ZHX3: variants seen among roughly 807,000 people sequenced by gnomAD.
The protein encoded by ZHX3 is zinc fingers and homeoboxes protein 3.
A neutral mutation model predicts 64.5 loss-of-function variants in ZHX3; 20 were observed. The observed-to-expected ratio is 0.31, with a 90% CI of 0.22 to 0.45. ZHX3 has a LOEUF of 0.45. ZHX3 is among the 20% of genes least tolerant of loss of function. ZHX3 has a pLI of 1.00. For missense variants in ZHX3, 1,041 were observed against 1,195.8 expected (o/e 0.87, Z 1.91); for synonymous variants, 423 against 461.6 (o/e 0.92, Z 1.07).
At chr20:41,246,648 G>A (rs902634953) in intron 2 of ZHX3, among the ~76,000 whole-genome samples, 1 of 152,014 alleles carries the variant, frequency 6.6e-6, no homozygotes, top group Non-Finnish European at 1.5e-5. Flanking sequence ...TGAGGCAGGT[G>A]GAACACTTGA....
intron 1 of ZHX3, among the ~76,000 whole-genome samples, chr20:41,308,247 G>A (rs1224196821): frequency 6.6e-6 from 1 of 152,090 alleles, no homozygotes; most frequent in African/African-American, 2.4e-5. Context: ...TGAAAGTTCT[G>A]GTTGAAATGG....
Position 41,232,956 on chromosome 20 carries a change from T to C in ZHX3, c.-150-27890A>G, listed in dbSNP as rs998085410. On this transcript the variant is annotated intron_variant, in intron 2 of 3. Transcript: ENST00000683867. The surrounding 1 kb of genome is among the most constrained non-coding windows in gnomAD (Gnocchi z 5.0). ...AACCATGACAGAGTCAGGAGAAACT[T>C]ACACAAGGCTGGTCTTAGGGTTCGT... Among the ~76,000 whole-genome samples the C allele has an allele frequency of 6.6e-6, 1 of 152,228 alleles. No individual in the cohort carries two copies. Among genetic ancestry groups the C allele is most frequent in the African/African-American group, 2.4e-5 (1 of 41,464 alleles).
intron 2 of ZHX3, among the ~76,000 whole-genome samples, chr20:41,255,869 C>T (rs1186387897): frequency 2.0e-5 from 3 of 152,190 alleles, no homozygotes; most frequent in African/African-American, 7.2e-5. Flanking sequence ...TCAGAGATTA[C>T]TATGCCTTGG....
In ZHX3 at chr20:41,205,008, A is replaced by G. The variant is rs1295279260; in HGVS notation, c.-92T>C. 1.1e-5 allele frequency: 16 copies of G among 1,399,792 alleles called. No individual in the cohort carries two copies. The highest frequency in any genetic ancestry group is 3.3e-5 in the Admixed American group (1 of 30,676). The allele number at this position is 1,399,792 out of a possible 1,614,324, so 86.7% of individuals were successfully genotyped here. A position where few individuals can be genotyped will look rare whatever the true frequency, so the allele number is the denominator to read the frequency against. On this transcript the variant is annotated 5_prime_UTR_variant, in exon 3 of 4. Transcript: ENST00000683867. ...CAGCTTCTCGATGAGGGCCAAAGAA[A>G]CAGTTTCTAAATGCAGCTTTTTCAG...
In ZHX3 at chr20:41,205,037, T is replaced by C; in HGVS notation, c.-121A>G. 7.3e-7 allele frequency: 1 copy of C among 1,367,070 alleles called. No individual in the cohort carries two copies. The highest frequency in any genetic ancestry group is 2.4e-4 in the Middle Eastern group (1 of 4,200). The allele number at this position is 1,367,070 out of a possible 1,614,324, so 84.7% of individuals were successfully genotyped here. A position where few individuals can be genotyped will look rare whatever the true frequency, so the allele number is the denominator to read the frequency against. Reference sequence around the variant, plus strand: ...TTTCTAAATGCAGCTTTTTCAGTTGTTTGCAGAAAGCAGGTTTTCCCTATT... The same window carrying C: ...TTTCTAAATGCAGCTTTTTCAGTTGCTTGCAGAAAGCAGGTTTTCCCTATT... On this transcript the variant is annotated 5_prime_UTR_variant, in exon 3 of 4. Transcript: ENST00000683867.
At chr20:41,196,383 A>AT (rs2037513619) in intron 3 of ZHX3, among the ~76,000 whole-genome samples, 1 of 64,024 alleles carries the variant, frequency 1.6e-5, no homozygotes, top group Non-Finnish European at 2.4e-5. Flanking sequence ...TATATAACAT[A>AT]AATATATATT....
intron 1 of ZHX3, among the ~76,000 whole-genome samples, chr20:41,271,510 A>T (rs949187137): frequency 6.6e-6 from 1 of 152,172 alleles, no homozygotes; most frequent in Non-Finnish European, 1.5e-5. Context: ...TTTGCTTCAC[A>T]TCTACAGATT....
intron 1 of ZHX3, among the ~76,000 whole-genome samples, chr20:41,301,251 C>A (rs2044791794): frequency 6.6e-6 from 1 of 152,124 alleles, no homozygotes; most frequent in African/African-American, 2.4e-5. Flanking sequence ...CGACTACACT[C>A]AATTTATATT....
At chr20:41,281,653 A>G (rs2043682086) in intron 1 of ZHX3, among the ~76,000 whole-genome samples, 1 of 152,252 alleles carries the variant, frequency 6.6e-6, no homozygotes, top group African/African-American at 2.4e-5. Context: ...TTAGGTTCAA[A>G]TAAAAGGATG....
chr20:41,316,602 T>G (rs924054954), intron 1 of ZHX3, among the ~76,000 whole-genome samples: 1 of 152,240 alleles, frequency 6.6e-6, no homozygotes, highest in Non-Finnish European at 1.5e-5. Flanking sequence ...ATATACTATG[T>G]GTTCACATAG....
At chr20:41,282,703 G>T (rs6029608) in intron 1 of ZHX3, among the ~76,000 whole-genome samples, 21 of 152,058 alleles carry the variant, frequency 1.4e-4, no homozygotes, top group African/African-American at 5.1e-4. Context: ...CCTTTAAATG[G>T]TGGCCAAATA....
rs771931047 is a variant in ZHX3 at position 41,203,569 on chromosome 20, C to T, written c.1348G>A (p.Val450Ile). 2.4e-5 allele frequency: 39 copies of T among 1,614,028 alleles called. 1 individual carries two copies. The highest frequency in any genetic ancestry group is 1.9e-4 in the South Asian group (17 of 91,066). Residue 450 changes from valine to isoleucine, a missense_variant, in exon 3 of 4, where the codon GTC becomes ATC. By Grantham distance (29) the Val-to-Ile change is conservative (BLOSUM62 3). Transcript: ENST00000683867. The surrounding 1 kb of genome is among the most constrained non-coding windows in gnomAD (Gnocchi z 7.1). The stretch of plus-strand genomic sequence containing the variant: ...GGTGCCACACCTGGCTGCTTGGGGA[C>T]GGATGTCACCGTGAGGGGGAGAGGG... ...SSPLPLTVTS[V>I]PKQPGVAPIN...
chr20:41,263,299 T>TA (rs1329551651), intron 2 of ZHX3, among the ~76,000 whole-genome samples: 2 of 151,898 alleles, frequency 1.3e-5, no homozygotes, highest in Non-Finnish European at 2.9e-5. Context: ...GAAAAAAGAA[T>TA]AGAGAGCAGT....
intron 2 of ZHX3, among the ~76,000 whole-genome samples, chr20:41,246,558 T>C (rs2041698362): frequency 6.6e-6 from 1 of 152,122 alleles, no homozygotes; most frequent in Non-Finnish European, 1.5e-5. Flanking sequence ...GCTTTTGAAA[T>C]ACTAATTGTA....
At chr20:41,292,233 C>T (rs6029612) in intron 1 of ZHX3, among the ~76,000 whole-genome samples, 27,187 of 151,906 alleles carry the variant, frequency 0.18, 4,008 homozygotes, top group African/African-American at 0.41. Context: ...CAGGATTCAA[C>T]TTTTGTGACA....
At chr20:41,190,075 G>A (rs60150559) in intron 3 of ZHX3, among the ~76,000 whole-genome samples, 7,785 of 152,062 alleles carry the variant, frequency 0.051, 663 homozygotes, top group African/African-American at 0.18. Context: ...ATGACCACAC[G>A]ATTTTTGCTC....
chr20:41,297,938 T>C (rs1421417427), intron 1 of ZHX3, among the ~76,000 whole-genome samples: 1 of 152,186 alleles, frequency 6.6e-6, no homozygotes, highest in Admixed American at 6.5e-5. Flanking sequence ...ATCCTAAGAC[T>C]GAAGAACTCA....
rs747453407 is a variant in ZHX3, at chr20:41,204,156, T to C, written c.761A>G (p.Asn254Ser). ...ASSAKNPHAA[N>S]GPLIGTVPVL... Reference sequence around the variant, plus strand: ...TGGCACTGTTCCTATCAGGGGCCCGTTGGCGGCATGGGGGTTTTTTGCAGA... The same window carrying C: ...TGGCACTGTTCCTATCAGGGGCCCGCTGGCGGCATGGGGGTTTTTTGCAGA... The change falls in exon 3 of 4, where the codon AAC (asparagine) becomes AGC (serine). Residue 254 changes from asparagine to serine, a missense_variant. By Grantham distance (46) the Asn-to-Ser change is conservative (BLOSUM62 1). This residue lies in a region of ZHX3 where 358 missense variants were observed against 369.1 expected (regional missense o/e 0.97). Coordinates refer to ENST00000683867, the MANE Select transcript of ZHX3 (RefSeq NM_001384317.1). This position sits in a 1 kb window ranked among gnomAD's most constrained non-coding sequence, Gnocchi z 6.6. The C allele has an allele frequency of 2.5e-6, 4 of 1,608,070 alleles. No individual in the cohort carries two copies. Among genetic ancestry groups the C allele is most frequent in the Admixed American group, 1.7e-5 (1 of 59,526 alleles).
intron 1 of ZHX3, among the ~76,000 whole-genome samples, chr20:41,298,216 G>A (rs544846808): frequency 3.3e-4 from 51 of 152,284 alleles, no homozygotes; most frequent in Middle Eastern, 3.4e-3. Flanking sequence ...GTTGCTCTGG[G>A]TCACACTGTG....
Sources: allele counts gnomAD v4.1 joint callset (sites outside exome capture counted in the v4.1 genomes callset), GRCh38; gene constraint gnomAD v4.1.1; regional missense constraint gnomAD v4.1.1; non-coding constraint Gnocchi (gnomAD v3.1); transcripts MANE v1.5; gene names NCBI Gene and HGNC (gene_info 2026-07-23, HGNC 2026-07-21).